Variants in APOOL observed in about 807,000 individuals in gnomAD.
APOOL encodes MICOS complex subunit MIC27.
Under a neutral mutation model 23.1 loss-of-function variants are expected in APOOL, and 12 were observed. That is an observed-to-expected ratio of 0.52 (90% CI 0.33 to 0.84). The LOEUF (loss-of-function observed/expected upper bound fraction) is 0.84, where lower values mean the gene tolerates loss of function less well. Ranked by LOEUF, APOOL falls within the 40% of genes least tolerant of loss-of-function variation. The pLI, the probability that APOOL is intolerant of heterozygous loss-of-function variation, is 0.02. For synonymous variants in APOOL, 77 were observed against 69.9 expected (o/e 1.10, Z -0.51); for missense variants, 212 against 199.6 (o/e 1.06, Z -0.37).
At chrX:85,017,221 G>A (rs1921507654) in intron 1 of APOOL, among the ~76,000 whole-genome samples, 2 of 111,427 alleles carry the variant, frequency 1.8e-5, no homozygotes, top group African/African-American at 3.3e-5. Context: ...CAGGCCAATG[G>A]GGTTATGTTC....
At chrX:85,039,052 T>C (rs190586034) in intron 1 of APOOL, among the ~76,000 whole-genome samples, 1 of 110,996 alleles carries the variant, frequency 9.0e-6, no homozygotes, top group East Asian at 2.8e-4. Context: ...TGCTATAAAC[T>C]TTCCTCTTAA....
chrX:85,084,646 A>G (rs990903790), intron 8 of APOOL, among the ~76,000 whole-genome samples: 1 of 110,861 alleles, frequency 9.0e-6, no homozygotes, highest in Non-Finnish European at 1.9e-5. Context: ...TCTGATACAT[A>G]TTACTCTTGC....
Position 85,044,270 on chromosome X carries a change from G to GTA in APOOL, c.16-2162_16-2161dup, listed in dbSNP as rs1556366425. The stretch of plus-strand genomic sequence containing the variant: ...CTCATATTTATGTGTGTGTGTGTGT[G>GTA]TATATATATATATATGTATTTTTTT... On this transcript the variant is annotated intron_variant, in intron 1 of 8. Coordinates refer to ENST00000373173, the MANE Select transcript of APOOL (RefSeq NM_198450.6). Among the ~76,000 whole-genome samples the GTA allele has an allele frequency of 2.5e-3, 272 of 107,376 alleles. 1 individual carries two copies. Among genetic ancestry groups the GTA allele is most frequent in the African/African-American group, 7.4e-3 (219 of 29,741 alleles). 93.2% of individuals were successfully genotyped at this position (107,376 alleles called of 115,157 possible).
At chrX:85,059,201 A>G (rs1923092697) in intron 5 of APOOL, among the ~76,000 whole-genome samples, 3 of 110,225 alleles carry the variant, frequency 2.7e-5, no homozygotes, top group African/African-American at 9.9e-5. Flanking sequence ...TACAAAGGAC[A>G]TGAACTCATC....
chrX:85,051,176 T>C, intron 2 of APOOL, among the ~76,000 whole-genome samples: 1 of 111,676 alleles, frequency 9.0e-6, no homozygotes, highest in Middle Eastern at 4.6e-3. Context: ...GATTATATTA[T>C]ATTTGGCATC....
At chrX:85,065,278 A>G (rs1251286741) in intron 5 of APOOL, among the ~76,000 whole-genome samples, 1 of 111,481 alleles carries the variant, frequency 9.0e-6, no homozygotes, top group Non-Finnish European at 1.9e-5. Flanking sequence ...GTGTCTTTGC[A>G]CATGCGATGT....
chrX:85,056,743 C>CA (rs1002122387), intron 5 of APOOL, among the ~76,000 whole-genome samples: 44 of 107,505 alleles, frequency 4.1e-4, no homozygotes, highest in Middle Eastern at 4.7e-3. Context: ...AACTCCATCT[C>CA]AAAAAAAAAA....
intron 1 of APOOL, among the ~76,000 whole-genome samples, chrX:85,008,534 G>GT (rs757172842): frequency 0.055 from 1,580 of 28,849 alleles, 38 homozygotes; most frequent in African/African-American, 0.16. Context: ...ATGATAACCC[G>GT]TTGTGTGTGT....
chrX:85,031,773 G>A (rs1276854398), intron 1 of APOOL, among the ~76,000 whole-genome samples: 3 of 111,797 alleles, frequency 2.7e-5, no homozygotes, highest in Non-Finnish European at 5.6e-5. Flanking sequence ...AGAGGAAGGC[G>A]GTAAAGGTTG....
At chrX:85,031,694 T>C (rs1053288793) in intron 1 of APOOL, among the ~76,000 whole-genome samples, 5 of 111,543 alleles carry the variant, frequency 4.5e-5, no homozygotes, top group African/African-American at 1.6e-4. Flanking sequence ...ACATGCAGCA[T>C]GTGAAGGCAC....
intron 8 of APOOL, among the ~76,000 whole-genome samples, chrX:85,077,013 A>G (rs1330481776): frequency 1.7e-4 from 17 of 98,012 alleles, no homozygotes; most frequent in Non-Finnish European, 1.2e-4. Flanking sequence ...ATATATATAT[A>G]TATACGTATA....
At chrX:85,024,782 G>A (rs908587453) in intron 1 of APOOL, among the ~76,000 whole-genome samples, 5 of 112,492 alleles carry the variant, frequency 4.4e-5, no homozygotes, top group Non-Finnish European at 9.4e-5. Context: ...GGCTGAGAAA[G>A]CAGCATATTT....
intron 1 of APOOL, among the ~76,000 whole-genome samples, chrX:85,011,982 A>G (rs965288174): frequency 8.9e-6 from 1 of 111,848 alleles, no homozygotes; most frequent in East Asian, 2.8e-4. Context: ...TGAGCATGGG[A>G]TATGATTCCA....
chrX:85,009,734 A>G (rs911957343), intron 1 of APOOL, among the ~76,000 whole-genome samples: 1 of 110,658 alleles, frequency 9.0e-6, no homozygotes, highest in African/African-American at 3.3e-5. Context: ...AGATTATTTC[A>G]TCACCCAGCT....
At chrX:85,085,993 C>G (rs1285907424) in intron 8 of APOOL, among the ~76,000 whole-genome samples, 2 of 112,223 alleles carry the variant, frequency 1.8e-5, no homozygotes, top group African/African-American at 6.5e-5. Flanking sequence ...ATTTTCTTAT[C>G]TGTAAAATAA....
intron 1 of APOOL, among the ~76,000 whole-genome samples, chrX:85,011,780 C>T (rs1602737640): frequency 1.8e-5 from 2 of 111,534 alleles, no homozygotes; most frequent in Admixed American, 9.5e-5. Flanking sequence ...TAATACGATG[C>T]CTTCAGATTT....
rs1293758256 is a variant in APOOL, at chrX:85,088,314, C to CTTTTTTT, written c.*637_*638insTTTTTTT. 8.4e-5 allele frequency: 1 copy of CTTTTTTT among 11,835 alleles called. No individual in the cohort carries two copies. Among genetic ancestry groups the CTTTTTTT allele is most frequent in the Non-Finnish European group, 1.5e-4 (1 of 6,692 alleles). 1.0% of individuals were successfully genotyped at this position (11,835 alleles called of 1,213,427 possible). On this transcript the variant is annotated 3_prime_UTR_variant, in exon 9 of 9. Coordinates refer to ENST00000373173, the MANE Select transcript of APOOL (RefSeq NM_198450.6). ...GGTGTATGGAAAGGTGTGTTTCCCT[C>CTTTTTTT]TGTTTTTTTTTTTTTTTTTTTTTTT...
rs1162180250 is a variant in APOOL at position 85,044,032 on chromosome X, G to T, written c.16-2414G>T. ...ATTAAGACATTTTCTAGAATTTTCT[G>T]CAATGATGGGCTTGTTTTATATCTG... On this transcript the variant is annotated intron_variant, in intron 1 of 8. Transcript: ENST00000373173. 3.6e-5 allele frequency among the ~76,000 whole-genome samples: 4 copies of T among 111,373 alleles called. 1 individual carries two copies. The highest frequency in any genetic ancestry group is 6.5e-5 in the African/African-American group (2 of 30,662).
chrX:85,052,297 G>A (rs1375625221), intron 3 of APOOL, among the ~76,000 whole-genome samples: 1 of 112,228 alleles, frequency 8.9e-6, no homozygotes, highest in East Asian at 2.8e-4. Flanking sequence ...ATTGGGCAAA[G>A]TAGAATACAC....
Sources: allele counts gnomAD v4.1 joint callset (sites outside exome capture counted in the v4.1 genomes callset), GRCh38; gene constraint gnomAD v4.1.1; transcripts MANE v1.5; gene names NCBI Gene and HGNC (gene_info 2026-07-23, HGNC 2026-07-21).